Variants in MGST2 observed in about 807,000 individuals in gnomAD.
MGST2 encodes the protein glutathione peroxidase MGST2.
In MGST2, 9 loss-of-function variants were observed where a neutral mutation model predicts 16.6. That is an observed-to-expected ratio of 0.54 (90% CI 0.33 to 0.95). The LOEUF (loss-of-function observed/expected upper bound fraction) is 0.95, where lower values mean the gene tolerates loss of function less well. MGST2 is among the 40% of genes least tolerant of loss of function. The probability of loss-of-function intolerance (pLI) is 0.03; values close to 1 mark genes in which losing one functional copy is unlikely to be tolerated. For missense variants in MGST2, 159 were observed against 175.1 expected (o/e 0.91, Z 0.52); for synonymous variants, 79 against 68.0 (o/e 1.16, Z -0.79).
At chr4:139,684,865 T>C (rs1038625572) in intron 2 of MGST2, among the ~76,000 whole-genome samples, 1 of 152,224 alleles carries the variant, frequency 6.6e-6, no homozygotes, top group African/African-American at 2.4e-5. Context: ...TCTCTGGTTC[T>C]GTTTCTCCAG....
At chr4:139,695,343 C>A in intron 3 of MGST2, 76 bp downstream of exon 3, 1 of 1,241,064 alleles carries the variant, frequency 8.1e-7, no homozygotes, top group Non-Finnish European at 1.2e-6. Context: ...GATATATGGC[C>A]AGGCACGGTG....
At position 139,669,711 on chromosome 4, in the gene MGST2, G is replaced by A. The variant is rs374985855; in HGVS notation, c.58+3634G>A. On this transcript the variant is annotated intron_variant, in intron 1 of 4. Transcript: ENST00000265498. The stretch of plus-strand genomic sequence containing the variant: ...TTCACCCTCTGAAGGTTCACTGAAC[G>A]TCAACTGACAAAAGGCAGATTAACA... Among the ~76,000 whole-genome samples the A allele has an allele frequency of 1.8e-4, 27 of 152,326 alleles. No individual in the cohort carries two copies. In the East Asian group the frequency reaches 3.1e-3, roughly 17 times the overall value.
chr4:139,685,377 C>T (rs182254810), intron 2 of MGST2: 151 of 161,876 alleles, frequency 9.3e-4, no homozygotes, highest in Middle Eastern at 3.4e-3. Context: ...CCGAATCAAC[C>T]CTGGCAATTG....
chr4:139,705,005 C>A (rs1727465139), downstream of MGST2, among the ~76,000 whole-genome samples: 2 of 152,168 alleles, frequency 1.3e-5, no homozygotes. Context: ...AAAGAGCTTG[C>A]TGCCTGATGC....
chr4:139,695,624 A>G (rs560765436), intron 3 of MGST2, among the ~76,000 whole-genome samples: 1 of 152,220 alleles, frequency 6.6e-6, no homozygotes, highest in Non-Finnish European at 1.5e-5. Flanking sequence ...TCTCAAAAAA[A>G]CAAACAAAAA....
At chr4:139,724,058 A>C (rs1728368609) in intron 5 of MGST2, among the ~76,000 whole-genome samples, 1 of 152,236 alleles carries the variant, frequency 6.6e-6, no homozygotes, top group Non-Finnish European at 1.5e-5. Flanking sequence ...ACCCATGGCA[A>C]AATTAGAAAC....
At chr4:139,690,465 T>C (rs1726514130) in intron 2 of MGST2, among the ~76,000 whole-genome samples, 1 of 152,162 alleles carries the variant, frequency 6.6e-6, no homozygotes. Flanking sequence ...TTTATGATGT[T>C]TGTTTTATAA....
At chr4:139,720,156 T>C (rs754441581) in intron 5 of MGST2, 1 of 1,614,066 alleles carries the variant, frequency 6.2e-7, no homozygotes, top group Non-Finnish European at 8.5e-7. Context: ...GGCGTGGTGC[T>C]ATAAGGGGCC....
At chr4:139,671,635 T>C (rs1400989407) in intron 1 of MGST2, among the ~76,000 whole-genome samples, 1 of 151,754 alleles carries the variant, frequency 6.6e-6, no homozygotes, top group African/African-American at 2.4e-5. Context: ...CGGCTAATTT[T>C]TGTTGTTGTT....
chr4:139,724,992 C>T (rs1182363967), intron 5 of MGST2, among the ~76,000 whole-genome samples: 1 of 152,120 alleles, frequency 6.6e-6, no homozygotes, highest in Non-Finnish European at 1.5e-5. Context: ...CTCCTGGCCT[C>T]AAGTGATCCG....
the MGST2 span, among the ~76,000 whole-genome samples, chr4:139,750,989 T>G: frequency 6.6e-6 from 1 of 152,210 alleles, no homozygotes; most frequent in African/African-American, 2.4e-5. Context: ...GCAAGCTGCC[T>G]CCTGTGATTC....
At chr4:139,692,501 C>G (rs775655378) in intron 2 of MGST2, among the ~76,000 whole-genome samples, 26 of 152,334 alleles carry the variant, frequency 1.7e-4, no homozygotes, top group Admixed American at 4.6e-4. Flanking sequence ...CCACCACCAC[C>G]AGGAGCTGCT....
At chr4:139,741,872 A>T (rs1456481519), downstream of MGST2, among the ~76,000 whole-genome samples, 1 of 152,222 alleles carries the variant, frequency 6.6e-6, no homozygotes, top group Non-Finnish European at 1.5e-5. Context: ...TTTAAAATAA[A>T]AACATTGCAT....
chr4:139,667,574 T>A (rs2110777318), intron 1 of MGST2, among the ~76,000 whole-genome samples: 1 of 152,138 alleles, frequency 6.6e-6, no homozygotes, highest in South Asian at 2.1e-4. Context: ...TGACAAGGTG[T>A]TAGGGCCGGG....
downstream of MGST2, among the ~76,000 whole-genome samples, chr4:139,704,836 G>A (rs1727457234): frequency 6.6e-6 from 1 of 152,052 alleles, no homozygotes; most frequent in African/African-American, 2.4e-5. Flanking sequence ...GCAGGAGAAT[G>A]GTGTGAACCT....
intron 5 of MGST2, among the ~76,000 whole-genome samples, chr4:139,736,571 T>C (rs568249569): frequency 5.9e-5 from 9 of 152,148 alleles, no homozygotes; most frequent in Non-Finnish European, 1.2e-4. Flanking sequence ...TGAAGTGTCA[T>C]AGAAAGGAAA....
the MGST2 span, among the ~76,000 whole-genome samples, chr4:139,753,786 A>G: frequency 2.6e-5 from 4 of 152,222 alleles, no homozygotes; most frequent in African/African-American, 9.6e-5. Flanking sequence ...CCTTTCTCTC[A>G]TGCATATGCC....
At chr4:139,687,314 C>G (rs998503681) in intron 2 of MGST2, among the ~76,000 whole-genome samples, 2 of 152,194 alleles carry the variant, frequency 1.3e-5, no homozygotes, top group Admixed American at 6.5e-5. Flanking sequence ...TTTTCCCAGC[C>G]CTAGCCCAAT....
chr4:139,727,215 CGTT>C (rs762625570), intron 5 of MGST2, among the ~76,000 whole-genome samples: 2 of 152,194 alleles, frequency 1.3e-5, no homozygotes, highest in Non-Finnish European at 2.9e-5. Context: ...GCCTCTGACT[CGTT>C]GACCCCATCC....
Sources: allele counts gnomAD v4.1 joint callset (sites outside exome capture counted in the v4.1 genomes callset), GRCh38; gene constraint gnomAD v4.1.1; transcripts MANE v1.5; gene names NCBI Gene and HGNC (gene_info 2026-07-23, HGNC 2026-07-21).